Variants in SBF2 observed in about 807,000 individuals in gnomAD.
SBF2 encodes the protein SET binding factor 2.
SBF2 carries 112 observed loss-of-function variants against 225.2 expected under a neutral mutation model. That is an observed-to-expected ratio of 0.50 (90% confidence interval 0.43 to 0.58). The LOEUF (loss-of-function observed/expected upper bound fraction) is 0.58, where lower values mean the gene tolerates loss of function less well. Ranked by LOEUF, SBF2 falls within the 20% of genes least tolerant of loss-of-function variation. The probability of loss-of-function intolerance (pLI) is 0.00; values close to 1 mark genes in which losing one functional copy is unlikely to be tolerated. For missense variants in SBF2, 1,996 were observed against 2,206.2 expected (o/e 0.90, Z 1.91); for synonymous variants, 763 against 773.3 (o/e 0.99, Z 0.22).
intron 32 of SBF2, among the ~76,000 whole-genome samples, chr11:9,799,013 T>C (rs1853319850): frequency 6.6e-6 from 1 of 151,648 alleles, no homozygotes; most frequent in African/African-American, 2.4e-5. Context: ...CAAAATAACA[T>C]TTCTCTCAAT....
intron 1 of SBF2, chr11:10,272,258 A>G (rs1962542082): frequency 3.5e-6 from 4 of 1,144,242 alleles, no homozygotes; most frequent in East Asian, 5.4e-5. Flanking sequence ...CCCGGAGGAC[A>G]TGGCGGCGGC....
chr11:9,882,795 CAAAAAAAAAA>C (rs56699466), intron 17 of SBF2, among the ~76,000 whole-genome samples: 3 of 90,058 alleles, frequency 3.3e-5, no homozygotes, highest in Admixed American at 3.1e-4. Context: ...GTGACAGAGT[CAAAAAAAAAA>C]AAAAAAAAAA....
intron 2 of SBF2, among the ~76,000 whole-genome samples, chr11:10,162,604 A>G (rs761772498): frequency 3.3e-5 from 5 of 152,200 alleles, no homozygotes; most frequent in African/African-American, 1.2e-4. Context: ...ATTTTTAATA[A>G]AACAGTCACA....
chr11:9,980,325 G>A (rs572946545), intron 13 of SBF2, among the ~76,000 whole-genome samples: 6 of 146,528 alleles, frequency 4.1e-5, no homozygotes, highest in Non-Finnish European at 7.4e-5. Flanking sequence ...TTGTAGAGAT[G>A]GAGTCTCACT....
intron 2 of SBF2, among the ~76,000 whole-genome samples, chr11:10,063,961 G>A (rs1370916868): frequency 6.6e-6 from 1 of 151,724 alleles, no homozygotes; most frequent in Non-Finnish European, 1.5e-5. Flanking sequence ...GGCGTCGGGG[G>A]GAGCAAAAAT....
At chr11:10,227,235 G>A (rs919735077) in intron 1 of SBF2, among the ~76,000 whole-genome samples, 4 of 152,182 alleles carry the variant, frequency 2.6e-5, no homozygotes, top group African/African-American at 7.2e-5. Context: ...TTTGTCAGAT[G>A]AGTAGGTTGC....
intron 1 of SBF2, among the ~76,000 whole-genome samples, chr11:10,250,922 CAGA>C (rs761284170): frequency 1.1e-4 from 16 of 152,176 alleles, no homozygotes; most frequent in Non-Finnish European, 2.2e-4. Context: ...AGTTTCTCCC[CAGA>C]AGAAAATGGC....
intron 2 of SBF2, among the ~76,000 whole-genome samples, chr11:10,115,437 G>A (rs1230090701): frequency 6.6e-6 from 1 of 152,140 alleles, no homozygotes; most frequent in Admixed American, 6.5e-5. Context: ...GGAAGAAAGG[G>A]CATGGTTTAC....
intron 1 of SBF2, among the ~76,000 whole-genome samples, chr11:10,244,803 A>C (rs896313952): frequency 1.3e-5 from 2 of 152,190 alleles, no homozygotes; most frequent in African/African-American, 2.4e-5. Flanking sequence ...TAAAATATAC[A>C]AGGAATCCCT....
chr11:10,203,049 T>A (rs1477656529), intron 1 of SBF2, among the ~76,000 whole-genome samples: 1 of 31,092 alleles, frequency 3.2e-5, no homozygotes, highest in East Asian at 9.5e-4. Context: ...TTAGCTGGGG[T>A]GGGGGGGTGA....
intron 38 of SBF2, among the ~76,000 whole-genome samples, chr11:9,783,885 T>A (rs550350876): frequency 1.3e-5 from 2 of 152,236 alleles, no homozygotes; most frequent in Admixed American, 1.3e-4. Context: ...CGATAAATGT[T>A]TGTAGAATAA....
intron 6 of SBF2, among the ~76,000 whole-genome samples, chr11:10,024,692 C>T (rs1056757545): frequency 2.0e-5 from 3 of 152,110 alleles, no homozygotes; most frequent in African/African-American, 7.2e-5. Flanking sequence ...ATGCAAGCTC[C>T]ACTCTTCCCT....
intron 13 of SBF2, among the ~76,000 whole-genome samples, chr11:9,983,235 T>G (rs906184191): frequency 6.6e-6 from 1 of 152,114 alleles, no homozygotes; most frequent in African/African-American, 2.4e-5. Flanking sequence ...TCAGGGCTAC[T>G]GGGGGGCACA....
chr11:9,838,093 C>T (rs898089562), intron 26 of SBF2: 7 of 146,778 alleles, frequency 4.8e-5, no homozygotes, highest in Admixed American at 2.1e-4. Context: ...TGAATTGGAA[C>T]ATTTAGTCAA....
intron 26 of SBF2, among the ~76,000 whole-genome samples, chr11:9,833,836 T>A (rs1200257562): frequency 2.0e-5 from 3 of 150,674 alleles, no homozygotes; most frequent in African/African-American, 7.3e-5. Context: ...AATGGCGTGA[T>A]CTCAGCTCAC....
chr11:10,124,816 A>T (rs1379351117), intron 2 of SBF2, among the ~76,000 whole-genome samples: 1 of 152,102 alleles, frequency 6.6e-6, no homozygotes, highest in East Asian at 1.9e-4. Flanking sequence ...GATTAAAAAA[A>T]TTTTCTGGCT....
chr11:10,259,335 T>A (rs775733761), intron 1 of SBF2, among the ~76,000 whole-genome samples: 1 of 152,182 alleles, frequency 6.6e-6, no homozygotes, highest in African/African-American at 2.4e-5. Flanking sequence ...TCCACCTCAG[T>A]AAGGCTGCAA....
intron 14 of SBF2, among the ~76,000 whole-genome samples, chr11:9,968,064 G>A (rs1222205550): frequency 6.6e-6 from 1 of 150,800 alleles, no homozygotes; most frequent in African/African-American, 2.4e-5. Context: ...AAAATCATGG[G>A]ATCGCACATT....
chr11:9,992,692 G>T, intron 11 of SBF2, 149 bp from the exon 12 acceptor site: 1 of 786,304 alleles, frequency 1.3e-6, no homozygotes, highest in Non-Finnish European at 2.0e-6. Context: ...CTCAAAGAGA[G>T]TTATTCTGAA....
Sources: allele counts gnomAD v4.1 joint callset (sites outside exome capture counted in the v4.1 genomes callset), GRCh38; gene constraint gnomAD v4.1.1; transcripts MANE v1.5; gene names NCBI Gene and HGNC (gene_info 2026-07-23, HGNC 2026-07-21).